MYO16: variants seen among roughly 807,000 people sequenced by gnomAD.
MYO16 encodes the protein unconventional myosin-XVI.
Under a neutral mutation model 205.3 loss-of-function variants are expected in MYO16, and 94 were observed. The observed-to-expected ratio is 0.46, with a 90% CI of 0.39 to 0.54. The LOEUF (loss-of-function observed/expected upper bound fraction) is 0.54. Ranked by LOEUF, MYO16 falls within the 20% of genes least tolerant of loss-of-function variation. The pLI, the probability that MYO16 is intolerant of heterozygous loss-of-function variation, is 0.00. For synonymous variants in MYO16, 988 were observed against 954.0 expected (o/e 1.04, Z -0.66); for missense variants, 2,315 against 2,387.5 (o/e 0.97, Z 0.63).
chr13:108,630,159 C>G (rs1879913399), intron 1 of MYO16, among the ~76,000 whole-genome samples: 1 of 149,776 alleles, frequency 6.7e-6, no homozygotes, highest in African/African-American at 2.5e-5. Flanking sequence ...AAAAAAACAC[C>G]AGAAACACAT....
At chr13:108,768,485 T>C (rs1885854549) in intron 4 of MYO16, among the ~76,000 whole-genome samples, 1 of 152,204 alleles carries the variant, frequency 6.6e-6, no homozygotes, top group Non-Finnish European at 1.5e-5. Flanking sequence ...GAGCAGTGAA[T>C]ATTGTTGAAT....
chr13:109,067,156 T>C (rs189232242), intron 27 of MYO16, among the ~76,000 whole-genome samples: 4 of 152,332 alleles, frequency 2.6e-5, no homozygotes, highest in African/African-American at 7.2e-5. Context: ...CTCCACACTC[T>C]TCACTGTATA....
Position 109,162,090 on chromosome 13 carries a change from A to G in MYO16, c.5165-2811A>G, listed in dbSNP as rs914072654. 6.6e-6 allele frequency among the ~76,000 whole-genome samples: 1 copy of G among 152,234 alleles called. No homozygotes were observed. Among genetic ancestry groups the G allele is most frequent in the African/African-American group, 2.4e-5 (1 of 41,458 alleles). On this transcript the variant is annotated intron_variant, in intron 32 of 34. Transcript: ENST00000457511. The surrounding 1 kb of genome is among the most constrained non-coding windows in gnomAD (Gnocchi z 4.6). Reference sequence around the variant, plus strand: ...AGAGTGAGAGACTCTGCCTCAAAAAACAAAACAAAGCCCAAAAAACATGTC... The same window carrying G: ...AGAGTGAGAGACTCTGCCTCAAAAAGCAAAACAAAGCCCAAAAAACATGTC...
chr13:108,996,080 G>A (rs1308870056), intron 21 of MYO16, among the ~76,000 whole-genome samples: 1 of 152,060 alleles, frequency 6.6e-6, no homozygotes, highest in Non-Finnish European at 1.5e-5. Context: ...TCCCATTACT[G>A]GGTATATACC....
At chr13:108,768,776 G>C (rs1326512660) in intron 4 of MYO16, among the ~76,000 whole-genome samples, 1 of 152,080 alleles carries the variant, frequency 6.6e-6, no homozygotes, top group Non-Finnish European at 1.5e-5. Context: ...TATAATGTCT[G>C]AACACTCAGC....
At chr13:108,644,358 G>GTCTA (rs1271894831) in intron 1 of MYO16, among the ~76,000 whole-genome samples, 1 of 124,274 alleles carries the variant, frequency 8.0e-6, no homozygotes, top group East Asian at 2.2e-4. Flanking sequence ...CTATCTGTCT[G>GTCTA]TCTGTCTATC....
intron 1 of MYO16, among the ~76,000 whole-genome samples, chr13:108,602,503 T>A (rs1400119303): frequency 6.6e-6 from 1 of 152,174 alleles, no homozygotes; most frequent in Admixed American, 6.6e-5. Flanking sequence ...TCCAAGGGAA[T>A]TTTTTGAAAA....
the MYO16 span, among the ~76,000 whole-genome samples, chr13:108,566,802 T>G: frequency 6.6e-6 from 1 of 151,282 alleles, no homozygotes; most frequent in Non-Finnish European, 1.5e-5. Context: ...GGTACTTAAT[T>G]GAGTGGGTGT....
intron 2 of MYO16, among the ~76,000 whole-genome samples, chr13:108,697,157 T>C (rs1053802169): frequency 2.0e-5 from 3 of 152,160 alleles, no homozygotes; most frequent in African/African-American, 4.8e-5. Flanking sequence ...ATTTACCTGG[T>C]GAGAAAGACT....
intron 1 of MYO16, 52 bp downstream of exon 1, chr13:108,629,924 T>A (rs1358994987): frequency 1.3e-6 from 2 of 1,483,130 alleles, no homozygotes; most frequent in African/African-American, 2.8e-5. Context: ...GTTGAAGTAT[T>A]ATTTTGTGCA....
intron 23 of MYO16, among the ~76,000 whole-genome samples, chr13:109,022,761 T>A (rs1886124202): frequency 7.3e-6 from 1 of 136,356 alleles, no homozygotes; most frequent in Non-Finnish European, 1.5e-5. Flanking sequence ...TAAACACATG[T>A]ATATATTTAT....
At chr13:109,130,843 G>A (rs922672624) in intron 31 of MYO16, among the ~76,000 whole-genome samples, 2 of 152,180 alleles carry the variant, frequency 1.3e-5, no homozygotes, top group African/African-American at 2.4e-5. Context: ...CTAGGCACAC[G>A]TAGCCAATTA....
intron 27 of MYO16, among the ~76,000 whole-genome samples, chr13:109,079,877 T>C (rs1888228859): frequency 1.3e-5 from 1 of 76,466 alleles, no homozygotes; most frequent in Non-Finnish European, 2.7e-5. Context: ...ATTTCTTTAT[T>C]TCTTTTTTTT....
At chr13:108,626,147 T>G (rs1163336333), upstream of MYO16, among the ~76,000 whole-genome samples, 1 of 152,124 alleles carries the variant, frequency 6.6e-6, no homozygotes, top group Non-Finnish European at 1.5e-5. Context: ...TGTATAATAA[T>G]GCTAACATTT....
At chr13:109,042,836 A>G (rs1370186326) in intron 23 of MYO16, among the ~76,000 whole-genome samples, 1 of 152,230 alleles carries the variant, frequency 6.6e-6, no homozygotes. Context: ...CGTTAACTTC[A>G]TACAAATGTC....
At position 108,898,048 on chromosome 13, in the gene MYO16, C is replaced by A; in HGVS notation, c.1692C>A (p.Ala564=). Residue 564 remains alanine, a synonymous_variant, in exon 15 of 35, where the codon GCC becomes GCA. Coordinates refer to ENST00000457511, the MANE Select transcript of MYO16 (RefSeq NM_001198950.3). ...VVCILEAFGH[A]KTTLNDLSSC... The stretch of plus-strand genomic sequence containing the variant: ...GCATCTTAGAAGCCTTTGGACATGC[C>A]AAGACCACACTTAATGATTTGTCCA... The A allele has an allele frequency of 1.9e-6, 3 of 1,613,988 alleles. No homozygotes were observed. Among genetic ancestry groups the A allele is most frequent in the South Asian group, 2.2e-5 (2 of 91,074 alleles).
intron 23 of MYO16, 49 bp from the exon 24 acceptor site, chr13:109,046,867 C>CA (rs1887060530): frequency 6.9e-7 from 1 of 1,439,106 alleles, no homozygotes; most frequent in Non-Finnish European, 9.7e-7. Flanking sequence ...AATTTATTTT[C>CA]ACAGTCATGT....
chr13:108,758,818 T>C (rs1885505405), intron 4 of MYO16, among the ~76,000 whole-genome samples: 1 of 152,230 alleles, frequency 6.6e-6, no homozygotes, highest in African/African-American at 2.4e-5. Context: ...AATATCAGAA[T>C]ATTACATTTT....
chr13:108,951,688 A>G (rs1594420352), intron 16 of MYO16, among the ~76,000 whole-genome samples: 1 of 152,356 alleles, frequency 6.6e-6, no homozygotes, highest in East Asian at 1.9e-4. Flanking sequence ...TGAACAGTAT[A>G]TAAATTAATA....
Sources: allele counts gnomAD v4.1 joint callset (sites outside exome capture counted in the v4.1 genomes callset), GRCh38; gene constraint gnomAD v4.1.1; non-coding constraint Gnocchi (gnomAD v3.1); transcripts MANE v1.5; gene names NCBI Gene and HGNC (gene_info 2026-07-23, HGNC 2026-07-21).